Variants in CALN1 observed in about 807,000 individuals in gnomAD.
CALN1 encodes the protein calcium-binding protein 8.
A neutral mutation model predicts 30.6 loss-of-function variants in CALN1; 17 were observed. That is an observed-to-expected ratio of 0.56 (90% CI 0.38 to 0.83). CALN1 has a LOEUF of 0.83. Ranked by LOEUF, CALN1 falls within the 40% of genes least tolerant of loss-of-function variation. The probability of loss-of-function intolerance (pLI) is 0.00; values close to 1 mark genes in which losing one functional copy is unlikely to be tolerated. For synonymous variants in CALN1, 156 were observed against 131.4 expected, an observed-to-expected ratio of 1.19 and a Z score of -1.28; for missense variants, 291 against 354.9, an observed-to-expected ratio of 0.82 and a Z score of 1.45.
intron 5 of CALN1, among the ~76,000 whole-genome samples, chr7:71,911,888 C>T (rs1158660757): frequency 6.6e-6 from 1 of 152,102 alleles, no homozygotes; most frequent in East Asian, 1.9e-4. Flanking sequence ...AGATGAGTTT[C>T]CATCAGGAGC....
intron 3 of CALN1, among the ~76,000 whole-genome samples, chr7:72,269,023 C>T (rs889062674): frequency 4.6e-5 from 7 of 152,242 alleles, no homozygotes; most frequent in African/African-American, 7.2e-5. Flanking sequence ...CCCATGCTCG[C>T]CCTGGCTCTC....
intron 2 of CALN1, among the ~76,000 whole-genome samples, chr7:72,331,420 C>T (rs1181972008): frequency 3.9e-5 from 6 of 152,112 alleles, no homozygotes; most frequent in African/African-American, 1.4e-4. Context: ...AGTGACTTTT[C>T]AGAAACCTAC....
intron 2 of CALN1, among the ~76,000 whole-genome samples, chr7:72,375,654 T>C (rs987164438): frequency 6.6e-6 from 1 of 152,072 alleles, no homozygotes; most frequent in Non-Finnish European, 1.5e-5. Context: ...AAATATAGAC[T>C]TTAAACATTT....
chr7:71,897,148 A>G (rs55748356), intron 5 of CALN1, among the ~76,000 whole-genome samples: 17,202 of 152,140 alleles, frequency 0.11, 1,431 homozygotes, highest in East Asian at 0.43. Flanking sequence ...ATGGACCTAC[A>G]AAAGGCCTCC....
chr7:72,334,645 A>T (rs1801891775), intron 2 of CALN1, among the ~76,000 whole-genome samples: 1 of 152,220 alleles, frequency 6.6e-6, no homozygotes, highest in Non-Finnish European at 1.5e-5. Flanking sequence ...CCTGCACCCT[A>T]GCCGAAGGCC....
chr7:72,173,872 G>A (rs1789153379), intron 3 of CALN1, among the ~76,000 whole-genome samples: 1 of 150,534 alleles, frequency 6.6e-6, no homozygotes, highest in African/African-American at 2.4e-5. Flanking sequence ...CTGTGAGCAT[G>A]AAATAAAGAT....
At chr7:72,282,802 CCAGAACTTTGAGAGGTTAA>C (rs1390216386) in intron 2 of CALN1, among the ~76,000 whole-genome samples, 1 of 152,056 alleles carries the variant, frequency 6.6e-6, no homozygotes, top group African/African-American at 2.4e-5. Flanking sequence ...GCCTGTAAAC[CCAGAACTTTGAGAGGTTAA>C]GGCAGGCAGA....
chr7:72,150,245 C>T (rs1278579907), intron 3 of CALN1, among the ~76,000 whole-genome samples: 2 of 151,900 alleles, frequency 1.3e-5, no homozygotes, highest in African/African-American at 4.8e-5. Flanking sequence ...TTCCAATTTG[C>T]TTGAGGGGGC....
At chr7:72,085,761 G>A (rs550374727) in intron 4 of CALN1, among the ~76,000 whole-genome samples, 12 of 152,194 alleles carry the variant, frequency 7.9e-5, no homozygotes, top group South Asian at 4.2e-4. Context: ...TACATTTTAC[G>A]GTATTTGAAT....
At chr7:72,249,518 T>C (rs1382436066) in intron 3 of CALN1, among the ~76,000 whole-genome samples, 1 of 152,156 alleles carries the variant, frequency 6.6e-6, no homozygotes, top group Non-Finnish European at 1.5e-5. Context: ...GAAACAGACC[T>C]TCAGCAGGGC....
chr7:71,829,369 C>T (rs560276616), intron 5 of CALN1, among the ~76,000 whole-genome samples: 2 of 152,276 alleles, frequency 1.3e-5, no homozygotes, highest in Admixed American at 6.5e-5. Context: ...TTGGAGCCTC[C>T]AGGAAGACAC....
intron 6 of CALN1, among the ~76,000 whole-genome samples, chr7:71,795,811 A>ATTTTT (rs1584233372): frequency 7.2e-5 from 8 of 111,558 alleles, no homozygotes; most frequent in East Asian, 3.8e-4. Context: ...CCAGTACTTC[A>ATTTTT]TTCTTTTTTT....
chr7:72,155,653 G>C (rs1787612133), intron 3 of CALN1, among the ~76,000 whole-genome samples: 1 of 152,122 alleles, frequency 6.6e-6, no homozygotes, highest in Non-Finnish European at 1.5e-5. Context: ...TTTGTACTAG[G>C]GAGGGCTATA....
At position 72,181,781 on chromosome 7, in the gene CALN1, G is replaced by A. The variant is rs553149689; in HGVS notation, c.245-75487C>T. 9.9e-4 allele frequency among the ~76,000 whole-genome samples: 150 copies of A among 152,146 alleles called. 1 individual carries two copies. Among genetic ancestry groups the A allele is most frequent in the Non-Finnish European group, 1.1e-3 (72 of 67,958 alleles). ...TGAGCCACCACACCCAGCCGACTTC[G>A]GTAACTTTTATCTATTACTATATGA... On this transcript the variant is annotated intron_variant, in intron 3 of 6. Transcript: ENST00000395275.
At chr7:71,972,032 GAAAGAC>G (rs1350528581) in intron 5 of CALN1, among the ~76,000 whole-genome samples, 3 of 147,802 alleles carry the variant, frequency 2.0e-5, no homozygotes, top group African/African-American at 7.5e-5. Flanking sequence ...AAGAAAGAAA[GAAAGAC>G]ACACTCAGAG....
At chr7:72,038,245 G>T (rs1801921257) in intron 4 of CALN1, among the ~76,000 whole-genome samples, 1 of 152,194 alleles carries the variant, frequency 6.6e-6, no homozygotes, top group South Asian at 2.1e-4. Context: ...TGTAGGTGGG[G>T]AATGGGGAGC....
chr7:72,457,713 G>A, the CALN1 span, among the ~76,000 whole-genome samples: 3 of 151,478 alleles, frequency 2.0e-5, no homozygotes, highest in Non-Finnish European at 4.4e-5. Flanking sequence ...CTCTTTAAAG[G>A]TGGTGTCCCT....
intron 2 of CALN1, among the ~76,000 whole-genome samples, chr7:72,358,479 T>C (rs1031528996): frequency 6.0e-5 from 9 of 150,192 alleles, no homozygotes; most frequent in African/African-American, 2.0e-4. Context: ...GACATTGTAC[T>C]TAGCCATCAC....
At chr7:72,302,852 C>A (rs537321168) in intron 2 of CALN1, among the ~76,000 whole-genome samples, 2 of 137,448 alleles carry the variant, frequency 1.5e-5, no homozygotes, top group African/African-American at 5.4e-5. Context: ...GAGCCGAGAT[C>A]GCGCCACTGC....
Sources: gnomAD v4.1 joint callset for allele counts (sites outside exome capture counted in the v4.1 genomes callset) on GRCh38, gnomAD v4.1.1 for gene constraint, MANE v1.5 for transcripts, NCBI Gene and HGNC (gene_info 2026-07-23, HGNC 2026-07-21) for gene names.